ROR2: variants seen among roughly 807,000 people sequenced by gnomAD.
ROR2 encodes the protein ROR family WNT receptor 2.
In ROR2, 33 loss-of-function variants were observed where a neutral mutation model predicts 74.9. The ratio of observed to expected loss-of-function variants is 0.44; its 90% CI spans 0.33 to 0.59. ROR2 has a LOEUF of 0.59. Ranked by LOEUF, ROR2 falls within the 20% of genes least tolerant of loss-of-function variation. ROR2 has a pLI of 0.02. For missense variants in ROR2, 1,216 were observed against 1,313.8 expected (o/e 0.93, Z 1.15); for synonymous variants, 586 against 558.7 (o/e 1.05, Z -0.69).
chr9:91,849,047 T>G (rs62564598), intron 1 of ROR2, among the ~76,000 whole-genome samples: 60,660 of 151,936 alleles, frequency 0.4, 14,153 homozygotes, highest in African/African-American at 0.63. Flanking sequence ...CCCTCCATCA[T>G]CCCATCCGAA....
chr9:91,852,999 C>A (rs548922543), intron 1 of ROR2, among the ~76,000 whole-genome samples: 14 of 152,324 alleles, frequency 9.2e-5, no homozygotes, highest in African/African-American at 3.1e-4. Flanking sequence ...GAAAGGCTGG[C>A]GGAGCGCGAG....
At chr9:91,834,001 G>A (rs1029518179) in intron 1 of ROR2, among the ~76,000 whole-genome samples, 2 of 152,210 alleles carry the variant, frequency 1.3e-5, no homozygotes, top group African/African-American at 2.4e-5. Flanking sequence ...AGGACACTGC[G>A]TGGAGAGTGG....
intron 1 of ROR2, among the ~76,000 whole-genome samples, chr9:91,921,732 G>A (rs573533562): frequency 1.1e-4 from 17 of 151,842 alleles, no homozygotes; most frequent in South Asian, 4.2e-4. Flanking sequence ...GCGTGGCGGC[G>A]CACGCCTGTA....
chr9:91,900,643 C>T (rs939840124), intron 1 of ROR2, among the ~76,000 whole-genome samples: 4 of 152,286 alleles, frequency 2.6e-5, no homozygotes, highest in African/African-American at 4.8e-5. Flanking sequence ...GGACTCCTCG[C>T]GGGGCACGTC....
chr9:91,738,506 A>G (rs1335843134), intron 4 of ROR2, among the ~76,000 whole-genome samples: 1 of 152,340 alleles, frequency 6.6e-6, no homozygotes, highest in Non-Finnish European at 1.5e-5. Flanking sequence ...CAGGGACATT[A>G]TGGCAATGCC....
rs372509332 is a variant in ROR2, at chr9:91,724,304, G to C, written c.2190C>G (p.Asn730Lys). The C allele has an allele frequency of 6.2e-7, 1 of 1,613,106 alleles. No individual in the cohort carries two copies. The highest frequency in any genetic ancestry group is 8.5e-7 in the Non-Finnish European group (1 of 1,180,020). The change falls in exon 9 of 9, where the codon AAC (asparagine) becomes AAG (lysine). Residue 730 changes from asparagine to lysine, a missense_variant. Coordinates refer to ENST00000375708, the MANE Select transcript of ROR2 (RefSeq NM_004560.4). ...AGCGGGGCCGCCGGCTGGGGAACTC[G>C]TTCCAGCACTCGATCATGAGGGCAT... The part of the protein sequence containing the change: ...WVYALMIECW[N>K]EFPSRRPRFK...
intron 1 of ROR2, among the ~76,000 whole-genome samples, chr9:91,942,069 G>A (rs1054789667): frequency 7.3e-5 from 11 of 151,406 alleles, no homozygotes; most frequent in East Asian, 3.9e-4. Flanking sequence ...GATTACAGGC[G>A]TGAGCCACCA....
intron 1 of ROR2, among the ~76,000 whole-genome samples, chr9:91,822,823 G>A (rs1828174060): frequency 1.3e-5 from 2 of 152,212 alleles, no homozygotes; most frequent in South Asian, 4.2e-4. Flanking sequence ...TGGGACCACT[G>A]ACCCCTACGT....
At chr9:91,837,224 C>T (rs981338984) in intron 1 of ROR2, among the ~76,000 whole-genome samples, 6 of 152,150 alleles carry the variant, frequency 3.9e-5, no homozygotes, top group Admixed American at 6.5e-5. Flanking sequence ...CGATCTCAGC[C>T]ACCACGCCCA....
intron 1 of ROR2, among the ~76,000 whole-genome samples, chr9:91,847,276 A>G (rs753483315): frequency 3.3e-5 from 5 of 152,188 alleles, no homozygotes; most frequent in Non-Finnish European, 5.9e-5. Flanking sequence ...CTGGACAGAA[A>G]GCCTGACCCC....
At chr9:91,767,422 G>A (rs12237459) in intron 2 of ROR2, among the ~76,000 whole-genome samples, 14,832 of 152,174 alleles carry the variant, frequency 0.097, 1,028 homozygotes, top group East Asian at 0.26. Flanking sequence ...CACCAACTTG[G>A]TCAAATTACT....
rs566520767 is a variant in ROR2 at position 91,848,581 on chromosome 9, C to T, written c.98-72763G>A. Among the ~76,000 whole-genome samples the T allele has an allele frequency of 7.1e-4, 108 of 152,028 alleles. 2 individuals are homozygous for T. Among genetic ancestry groups the T allele is most frequent in the African/African-American group, 2.5e-3 (105 of 41,452 alleles). The stretch of plus-strand genomic sequence containing the variant: ...TTCAAGACCAGCCTGGCCAACATGG[C>T]GAAACACTACTAAAAATACAAAATT... On this transcript the variant is annotated intron_variant, in intron 1 of 8. Coordinates refer to ENST00000375708, the MANE Select transcript of ROR2 (RefSeq NM_004560.4).
chr9:91,915,554 C>T (rs1313381906), intron 1 of ROR2, among the ~76,000 whole-genome samples: 2 of 151,572 alleles, frequency 1.3e-5, no homozygotes, highest in African/African-American at 4.9e-5. Flanking sequence ...AAAGAGTGAG[C>T]AGCAGCAAGA....
intron 1 of ROR2, among the ~76,000 whole-genome samples, chr9:91,945,706 A>G (rs911102409): frequency 2.0e-5 from 3 of 152,220 alleles, no homozygotes; most frequent in South Asian, 2.1e-4. Flanking sequence ...TGCCAACCAC[A>G]CCAATAAAAT....
intron 1 of ROR2, among the ~76,000 whole-genome samples, chr9:91,792,182 G>C (rs558289356): frequency 2.0e-4 from 31 of 151,880 alleles, no homozygotes; most frequent in South Asian, 8.3e-4. Context: ...AGGAATTAGA[G>C]AAGGAAGAAC....
intron 1 of ROR2, among the ~76,000 whole-genome samples, chr9:91,893,960 A>C (rs981091039): frequency 6.6e-6 from 1 of 152,226 alleles, no homozygotes; most frequent in African/African-American, 2.4e-5. Flanking sequence ...TGCACAACTG[A>C]AACTCTGTAC....
At chr9:91,755,941 C>T (rs914452551) in intron 4 of ROR2, 130 bp downstream of exon 4, 1 of 916,878 alleles carries the variant, frequency 1.1e-6, no homozygotes, top group East Asian at 2.4e-5. Context: ...GTGGCCACCC[C>T]TGTGTGAAGC....
intron 1 of ROR2, among the ~76,000 whole-genome samples, chr9:91,847,703 C>T (rs576429814): frequency 6.6e-6 from 1 of 152,314 alleles, no homozygotes; most frequent in African/African-American, 2.4e-5. Flanking sequence ...GAATGAACCC[C>T]ACTCCCAGCA....
chr9:91,761,244 G>A (rs1825906506), intron 2 of ROR2, among the ~76,000 whole-genome samples: 1 of 152,216 alleles, frequency 6.6e-6, no homozygotes, highest in African/African-American at 2.4e-5. Context: ...TTTAGCACCA[G>A]GGACCAGTCT....
Sources: gnomAD v4.1 joint callset for allele counts (sites outside exome capture counted in the v4.1 genomes callset) on GRCh38, gnomAD v4.1.1 for gene constraint, MANE v1.5 for transcripts, NCBI Gene and HGNC (gene_info 2026-07-23, HGNC 2026-07-21) for gene names.